Variants in FAP observed in about 807,000 individuals in gnomAD.
The protein encoded by FAP is prolyl endopeptidase FAP.
Under a neutral mutation model 126.5 loss-of-function variants are expected in FAP, and 110 were observed. The observed-to-expected ratio is 0.87, with a 90% CI of 0.74 to 1.02. The LOEUF is 1.02. Among genes scored for constraint, FAP ranks in the 50% least tolerant of loss-of-function variants. FAP has a pLI of 0.00. For synonymous variants in FAP, 334 were observed against 297.3 expected, an observed-to-expected ratio of 1.12 and a Z score of -1.27; for missense variants, 919 against 909.2, an observed-to-expected ratio of 1.01 and a Z score of -0.14.
chr2:162,182,385 A>T (rs980572072), intron 21 of FAP, among the ~76,000 whole-genome samples: 1 of 152,210 alleles, frequency 6.6e-6, no homozygotes, highest in Admixed American at 6.5e-5. Flanking sequence ...ATTATCTGGA[A>T]TATTTCACTA....
chr2:162,235,308 C>T (rs968951540), intron 2 of FAP, among the ~76,000 whole-genome samples: 2 of 152,310 alleles, frequency 1.3e-5, no homozygotes, highest in African/African-American at 2.4e-5. Context: ...CAGCGCATGG[C>T]GCGGGACTGG....
At position 162,170,838 on chromosome 2, in the gene FAP, T is replaced by A. The variant is rs1687278234; in HGVS notation, c.*141A>T. Reference sequence around the variant, plus strand: ...AGCTTGAACTTCTGAGTCCTCATCTTTTTTTTAACAGCCTTTAGAACAACA... The same window carrying A: ...AGCTTGAACTTCTGAGTCCTCATCTATTTTTTAACAGCCTTTAGAACAACA... On this transcript the variant is annotated 3_prime_UTR_variant, in exon 26 of 26. Transcript: ENST00000188790. 1.6e-6 allele frequency: 1 copy of A among 614,518 alleles called. No homozygotes were observed. The highest frequency in any genetic ancestry group is 2.8e-6 in the Non-Finnish European group (1 of 354,898). 38.1% of individuals were successfully genotyped at this position (614,518 alleles called of 1,614,324 possible).
chr2:162,180,948 GAGATCC>G (rs1687676877), intron 21 of FAP, among the ~76,000 whole-genome samples: 1 of 152,044 alleles, frequency 6.6e-6, no homozygotes, highest in Non-Finnish European at 1.5e-5. Context: ...GGGTCAAGGC[GAGATCC>G]AGACCCAGAA....
chr2:162,206,454 C>T (rs912525709), intron 12 of FAP, among the ~76,000 whole-genome samples: 2 of 152,192 alleles, frequency 1.3e-5, no homozygotes, highest in African/African-American at 4.8e-5. Flanking sequence ...TGACCTAAAG[C>T]GGATGCCCTA....
chr2:162,181,265 C>A (rs907222493), intron 21 of FAP, among the ~76,000 whole-genome samples: 1 of 151,362 alleles, frequency 6.6e-6, no homozygotes, highest in African/African-American at 2.4e-5. Context: ...CAACAGAGAG[C>A]AATTCTGTCT....
At chr2:162,192,667 G>A (rs1342207659) in intron 17 of FAP, among the ~76,000 whole-genome samples, 1 of 152,054 alleles carries the variant, frequency 6.6e-6, no homozygotes, top group Non-Finnish European at 1.5e-5. Context: ...GATCCAAAAT[G>A]ATGTCACTAC....
At chr2:162,204,492 G>C (rs528981279) in intron 12 of FAP, among the ~76,000 whole-genome samples, 55 of 152,272 alleles carry the variant, frequency 3.6e-4, no homozygotes, top group African/African-American at 1.3e-3. Context: ...GTCCTCATAG[G>C]TGGGGAGGAC....
chr2:162,198,694 A>G, intron 16 of FAP, 63 bp downstream of exon 16: 1 of 1,582,106 alleles, frequency 6.3e-7, no homozygotes, highest in Non-Finnish European at 8.7e-7. Flanking sequence ...GATCAGATAG[A>G]GGTGAGGAGG....
chr2:162,172,710 G>T (rs2106209966), intron 25 of FAP, 101 bp downstream of exon 25: 3 of 752,722 alleles, frequency 4.0e-6, no homozygotes, highest in Non-Finnish European at 4.5e-6. Context: ...CAGCCTCTTT[G>T]TCAGATTTTA....
intron 22 of FAP, among the ~76,000 whole-genome samples, chr2:162,174,384 T>C (rs915954822): frequency 6.6e-6 from 1 of 152,178 alleles, no homozygotes; most frequent in Admixed American, 6.6e-5. Flanking sequence ...CAAATAATCA[T>C]CCTGCATTGA....
chr2:162,231,196 G>C (rs899853662), intron 2 of FAP, among the ~76,000 whole-genome samples: 14 of 152,080 alleles, frequency 9.2e-5, no homozygotes, highest in African/African-American at 3.4e-4. Flanking sequence ...TTATTTTCTA[G>C]TGTTTGGAAT....
intron 3 of FAP, 100 bp downstream of exon 3, chr2:162,226,423 A>G: frequency 1.7e-6 from 1 of 579,246 alleles, no homozygotes; most frequent in Non-Finnish European, 3.0e-6. Flanking sequence ...TGTACATTTC[A>G]ACTGATACGG....
At chr2:162,183,328 T>G in intron 21 of FAP, 86 bp downstream of exon 21, 1 of 1,027,300 alleles carries the variant, frequency 9.7e-7, no homozygotes. Flanking sequence ...ACATTAACAT[T>G]TCATGAGAAA....
chr2:162,189,638 GT>G lies in FAP; in HGVS notation c.1549+17del, dbSNP rs1487634995. 1.4e-6 allele frequency: 2 copies of G among 1,389,522 alleles called. No homozygotes were observed. The highest frequency in any genetic ancestry group is 2.0e-6 in the Non-Finnish European group (2 of 993,564). 86.1% of individuals were successfully genotyped at this position (1,389,522 alleles called of 1,614,324 possible). ...TCAGCTTCATATCTATAAATGAGAA[GT>G]TTTTAAAAGATCTTACTAATTTCAT... On this transcript the variant is annotated intron_variant, in intron 18 of 25. Transcript: ENST00000188790.
chr2:162,235,749 T>C (rs529475101), intron 2 of FAP, among the ~76,000 whole-genome samples: 5 of 152,282 alleles, frequency 3.3e-5, no homozygotes, highest in South Asian at 2.1e-4. Flanking sequence ...CCTTCCACAC[T>C]GTGGAAGTCT....
At position 162,196,321 on chromosome 2, in the gene FAP, T is replaced by C. The variant is rs559491692; in HGVS notation, c.1403-1573A>G. On this transcript the variant is annotated intron_variant, in intron 16 of 25. Coordinates refer to ENST00000188790, the MANE Select transcript of FAP (RefSeq NM_004460.5). The stretch of plus-strand genomic sequence containing the variant: ...TCCTGTGTGGAATCTCAGAATTTTA[T>C]AGAATGTTATTGCAGAGATTTTCAT... 8.5e-5 allele frequency among the ~76,000 whole-genome samples: 13 copies of C among 152,296 alleles called. No homozygotes were observed. In the Middle Eastern group the frequency reaches 0.01, roughly 120 times the overall value.
At chr2:162,193,103 G>T (rs1688113092) in intron 17 of FAP, among the ~76,000 whole-genome samples, 1 of 152,128 alleles carries the variant, frequency 6.6e-6, no homozygotes, top group African/African-American at 2.4e-5. Flanking sequence ...CTGGCTTAAT[G>T]TGGTAGAAGT....
chr2:162,175,344 C>T (rs1364380892), intron 21 of FAP: 1 of 153,186 alleles, frequency 6.5e-6, no homozygotes, highest in African/African-American at 2.4e-5. Context: ...GAAAGAGATG[C>T]ACAGAAAAAA....
At chr2:162,197,154 C>A (rs1280894863) in intron 16 of FAP, among the ~76,000 whole-genome samples, 1 of 152,160 alleles carries the variant, frequency 6.6e-6, no homozygotes. Context: ...GCAAATGCAT[C>A]AGCATAAAAC....
Sources: gnomAD v4.1 joint callset for allele counts (sites outside exome capture counted in the v4.1 genomes callset) on GRCh38, gnomAD v4.1.1 for gene constraint, MANE v1.5 for transcripts, NCBI Gene and HGNC (gene_info 2026-07-23, HGNC 2026-07-21) for gene names.